Variants in SSR1 observed in about 807,000 individuals in gnomAD.
The protein encoded by SSR1 is signal sequence receptor subunit 1.
A neutral mutation model predicts 36.1 loss-of-function variants in SSR1; 13 were observed. The ratio of observed to expected loss-of-function variants is 0.36; its 90% CI spans 0.23 to 0.57. SSR1 has a LOEUF of 0.57. Ranked by LOEUF, SSR1 falls within the 20% of genes least tolerant of loss-of-function variation. The pLI, the probability that SSR1 is intolerant of heterozygous loss-of-function variation, is 0.81. For missense variants in SSR1, 291 were observed against 338.5 expected, an observed-to-expected ratio of 0.86 and a Z score of 1.10; for synonymous variants, 113 against 118.9, an observed-to-expected ratio of 0.95 and a Z score of 0.32.
At chr6:7,297,664 A>T (rs1757831877) in intron 6 of SSR1, among the ~76,000 whole-genome samples, 1 of 152,178 alleles carries the variant, frequency 6.6e-6, no homozygotes, top group African/African-American at 2.4e-5. Flanking sequence ...GGTTGAGGCC[A>T]CAATGAGCTA....
rs1370911621 is a variant in SSR1 at position 7,283,775 on chromosome 6, GTGT to G, written c.*6086_*6088del. On this transcript the variant is annotated 3_prime_UTR_variant, in exon 8 of 8. Coordinates refer to ENST00000244763, the MANE Select transcript of SSR1 (RefSeq NM_003144.5). ...ATACAAAATATCAAGCAAATCCTAA[GTGT>G]TGAAGCTAGAACCCAGGTGAGTGCA... is the stretch of plus-strand genomic sequence containing the variant. 6.7e-6 allele frequency: 1 copy of G among 148,870 alleles called. No homozygotes were observed. Among genetic ancestry groups the G allele is most frequent in the Admixed American group, 6.6e-5 (1 of 15,044 alleles). 9.2% of individuals were successfully genotyped at this position (148,870 alleles called of 1,614,324 possible).
At chr6:7,299,781 G>C (rs1757893596) in intron 4 of SSR1, among the ~76,000 whole-genome samples, 1 of 151,924 alleles carries the variant, frequency 6.6e-6, no homozygotes. Context: ...TTATGTTGTG[G>C]TCTTGAAATA....
intron 6 of SSR1, among the ~76,000 whole-genome samples, chr6:7,295,693 T>C (rs2113280474): frequency 6.6e-6 from 1 of 152,346 alleles, no homozygotes; most frequent in Non-Finnish European, 1.5e-5. Context: ...TTAAAACACC[T>C]ATCAAATTAC....
intron 3 of SSR1, among the ~76,000 whole-genome samples, chr6:7,303,206 A>T (rs978969265): frequency 6.6e-6 from 1 of 150,378 alleles, no homozygotes; most frequent in Non-Finnish European, 1.5e-5. Flanking sequence ...AAGTTTTAAA[A>T]CATCATCTTT....
chr6:7,313,165 G>C lies in SSR1; in HGVS notation c.-45C>G, dbSNP rs114818913. 6 of 1,536,438 alleles carry C rather than the reference G, an allele frequency of 3.9e-6. No homozygotes were observed. The African/African-American group carries it at 4.2e-5, about 11-fold the overall frequency. On this transcript the variant is annotated 5_prime_UTR_variant, in exon 1 of 8. Coordinates refer to ENST00000244763, the MANE Select transcript of SSR1 (RefSeq NM_003144.5). Reference sequence around the variant, plus strand: ...CCAGTTTCCGTCGGCTAAGGCTCTCGGCGGCTCCGGCGGTAATGGCGTTAC... The same window carrying C: ...CCAGTTTCCGTCGGCTAAGGCTCTCCGCGGCTCCGGCGGTAATGGCGTTAC...
At chr6:7,308,015 T>C (rs1372050587) in intron 2 of SSR1, among the ~76,000 whole-genome samples, 1 of 152,244 alleles carries the variant, frequency 6.6e-6, no homozygotes, top group Non-Finnish European at 1.5e-5. Flanking sequence ...CACTCTAAGT[T>C]ATCTTACCAC....
rs75385428 is a variant in SSR1, at chr6:7,297,509, C to T, written c.699+414G>A. Among the ~76,000 whole-genome samples the T allele has an allele frequency of 5.5e-4, 83 of 151,642 alleles. 1 individual carries two copies. In the East Asian group the frequency reaches 0.011, roughly 20 times the overall value. On this transcript the variant is annotated intron_variant, in intron 6 of 7. Transcript: ENST00000244763. ...GGGAGGCCAAGGTGGGCAGATTGCTCGAGTTCAGGAGTTTGAGACCAGCCT... is the reference window on the plus strand; with the variant it reads ...GGGAGGCCAAGGTGGGCAGATTGCTTGAGTTCAGGAGTTTGAGACCAGCCT...
At chr6:7,311,383 G>T (rs1758192238) in intron 1 of SSR1, among the ~76,000 whole-genome samples, 1 of 152,214 alleles carries the variant, frequency 6.6e-6, no homozygotes. Context: ...CATGGGAAGG[G>T]AAGCGTGTTT....
intron 2 of SSR1, among the ~76,000 whole-genome samples, chr6:7,308,589 A>G (rs1461751638): frequency 6.6e-6 from 1 of 152,226 alleles, no homozygotes; most frequent in Non-Finnish European, 1.5e-5. Flanking sequence ...TCCCAATTCC[A>G]GCCCAATATT....
chr6:7,303,676 GA>G (rs200073378), intron 2 of SSR1, 39 bp from the exon 3 acceptor site: 61 of 1,425,666 alleles, frequency 4.3e-5, no homozygotes, highest in South Asian at 1.3e-4. Context: ...TACTATGGGA[GA>G]AAAAAAAATC....
At chr6:7,296,215 A>G (rs559047917) in intron 6 of SSR1, among the ~76,000 whole-genome samples, 33 of 152,324 alleles carry the variant, frequency 2.2e-4, no homozygotes, top group African/African-American at 7.9e-4. Flanking sequence ...AAAAAAACCC[A>G]AGAAACCAAC....
At chr6:7,311,398 C>A (rs1196522149) in intron 1 of SSR1, among the ~76,000 whole-genome samples, 1 of 152,122 alleles carries the variant, frequency 6.6e-6, no homozygotes, top group African/African-American at 2.4e-5. Flanking sequence ...GTGTTTTCAC[C>A]CAGGAGAAAC....
chr6:7,297,496 T>C (rs542053048), intron 6 of SSR1, among the ~76,000 whole-genome samples: 106 of 152,026 alleles, frequency 7.0e-4, no homozygotes, highest in African/African-American at 2.5e-3. Flanking sequence ...GAGGCCAAGG[T>C]GGGCAGATTG....
intron 3 of SSR1, among the ~76,000 whole-genome samples, chr6:7,302,274 A>G (rs2764092): frequency 0.74 from 112,983 of 152,218 alleles, 42,402 homozygotes; most frequent in African/African-American, 0.82. Flanking sequence ...AGCACAGGCT[A>G]TGGGGCCAAC....
Position 7,298,812 on chromosome 6 carries a change from GAA to G in SSR1, c.553_554del (p.Phe185ProfsTer13), listed in dbSNP as rs756685481. 1 of 1,612,448 alleles carries G rather than the reference GAA, an allele frequency of 6.2e-7. No homozygotes were observed. Among genetic ancestry groups the G allele is most frequent in the Non-Finnish European group, 8.5e-7 (1 of 1,179,316 alleles). On this transcript the variant is annotated frameshift_variant, in exon 5 of 8. Coordinates refer to ENST00000244763, the MANE Select transcript of SSR1 (RefSeq NM_003144.5). LOFTEE classifies it high-confidence loss of function. ...CTGTTTGATTGAAGACTGCATCTTG[GAA>G]TACATTGCCCTGTTTAAGAAAATAA... ...LNYKDLNGNV[F>X]QDAVFNQTVT... is the part of the protein sequence containing the mutation.
intron 2 of SSR1, among the ~76,000 whole-genome samples, chr6:7,308,245 T>C (rs1033072913): frequency 2.6e-5 from 4 of 152,120 alleles, no homozygotes; most frequent in African/African-American, 9.7e-5. Context: ...GGACATCCTA[T>C]CCAGATAAAA....
intron 3 of SSR1, among the ~76,000 whole-genome samples, chr6:7,302,940 C>T (rs911620521): frequency 6.6e-6 from 1 of 151,608 alleles, no homozygotes; most frequent in African/African-American, 2.4e-5. Flanking sequence ...AGTTCGAGAC[C>T]AGCCCGACCA....
chr6:7,284,199 C>A lies in SSR1; in HGVS notation c.*5665G>T, dbSNP rs1027317989. 2 of 152,100 alleles carry A rather than the reference C, an allele frequency of 1.3e-5. No individual in the cohort carries two copies. Among genetic ancestry groups the A allele is most frequent in the African/African-American group, 4.8e-5 (2 of 41,420 alleles). 9.4% of individuals were successfully genotyped at this position (152,100 alleles called of 1,614,324 possible). ...CTGAAATAAATTGCAAGATGATTTT[C>A]AAAAATAACATGAACCCCAACAGCT... On this transcript the variant is annotated 3_prime_UTR_variant, in exon 8 of 8. Transcript: ENST00000244763.
intron 2 of SSR1, among the ~76,000 whole-genome samples, chr6:7,304,686 T>A (rs888567259): frequency 1.3e-5 from 2 of 152,224 alleles, no homozygotes; most frequent in Non-Finnish European, 2.9e-5. Flanking sequence ...AAATTTTATT[T>A]AAAACTTTAA....
Sources: allele counts gnomAD v4.1 joint callset (sites outside exome capture counted in the v4.1 genomes callset), GRCh38; gene constraint gnomAD v4.1.1; transcripts MANE v1.5; gene names NCBI Gene and HGNC (gene_info 2026-07-23, HGNC 2026-07-21).